The following INVS variants were observed in gnomAD, a reference collection of about 807,000 sequenced individuals.
INVS encodes the protein inversin.
Under a neutral mutation model 108.8 loss-of-function variants are expected in INVS, and 86 were observed. The ratio of observed to expected loss-of-function variants is 0.79; its 90% CI spans 0.66 to 0.95. The LOEUF is 0.95. Among genes scored for constraint, INVS ranks in the 40% least tolerant of loss-of-function variants. INVS has a pLI of 0.00. For synonymous variants in INVS, 455 were observed against 473.5 expected (o/e 0.96, Z 0.51); for missense variants, 1,169 against 1,297.4 (o/e 0.90, Z 1.52).
At chr9:100,139,839 C>T (rs190521485) in intron 3 of INVS, among the ~76,000 whole-genome samples, 8 of 152,254 alleles carry the variant, frequency 5.3e-5, no homozygotes, top group East Asian at 3.9e-4. Flanking sequence ...ACAGGGGTTT[C>T]GCCTTATTGC....
chr9:100,246,926 T>A, intron 8 of INVS, 139 bp downstream of exon 8: 1 of 833,650 alleles, frequency 1.2e-6, no homozygotes, highest in Non-Finnish European at 2.0e-6. Flanking sequence ...AGTTTTAAGT[T>A]TGGGTTTGCC....
chr9:100,121,068 T>C (rs1199403663), intron 2 of INVS, among the ~76,000 whole-genome samples: 1 of 152,196 alleles, frequency 6.6e-6, no homozygotes, highest in Non-Finnish European at 1.5e-5. Context: ...CTACAGTTTT[T>C]TTTTAACAAT....
chr9:100,215,234 C>T (rs1040472787), intron 3 of INVS, among the ~76,000 whole-genome samples: 1 of 152,086 alleles, frequency 6.6e-6, no homozygotes, highest in Non-Finnish European at 1.5e-5. Flanking sequence ...TCTCTAAGCC[C>T]CCTTTTGGCT....
chr9:100,234,433 T>C (rs1831613152), intron 5 of INVS, among the ~76,000 whole-genome samples: 1 of 152,196 alleles, frequency 6.6e-6, no homozygotes. Flanking sequence ...CTCTTGATTC[T>C]CTACTTGTTT....
rs1827893457 is a variant in INVS at position 100,126,655 on chromosome 9, A to G, written c.273+106A>G. On this transcript the variant is annotated intron_variant, in intron 3 of 16. Coordinates refer to ENST00000262457, the MANE Select transcript of INVS (RefSeq NM_014425.5). ...ATAATAAAGAAGTCTCAAATGCATG[A>G]CTCATAGGTTTTATATATTTTCTCT... 1.3e-5 allele frequency: 14 copies of G among 1,058,314 alleles called. 1 individual carries two copies. The South Asian group carries it at 1.8e-4, about 14-fold the overall frequency. 65.6% of individuals were successfully genotyped at this position (1,058,314 alleles called of 1,614,324 possible).
At chr9:100,184,175 G>A (rs533281762) in intron 3 of INVS, among the ~76,000 whole-genome samples, 3 of 152,192 alleles carry the variant, frequency 2.0e-5, no homozygotes, top group African/African-American at 7.2e-5. Context: ...CTTAAAAATT[G>A]CTTGAGTTTC....
chr9:100,258,932 T>C (rs555947652), intron 10 of INVS, among the ~76,000 whole-genome samples: 12 of 152,300 alleles, frequency 7.9e-5, no homozygotes, highest in Admixed American at 6.5e-4. Context: ...GAACCACTAC[T>C]CTCTTCAAAG....
chr9:100,301,444 T>C lies in INVS; in HGVS notation c.*770T>C, dbSNP rs1461563618. Among the ~76,000 whole-genome samples the C allele has an allele frequency of 1.3e-5, 2 of 152,218 alleles. No homozygotes were observed. The highest frequency in any genetic ancestry group is 2.9e-5 in the Non-Finnish European group (2 of 68,040). On this transcript the variant is annotated 3_prime_UTR_variant, in exon 17 of 17. Transcript: ENST00000262457. ...TAGGGTTTACAGACCAGACTGTTCATGCAGCAAGGTGCTAACTCAGGCGTC... is the reference window on the plus strand; with the variant it reads ...TAGGGTTTACAGACCAGACTGTTCACGCAGCAAGGTGCTAACTCAGGCGTC...
At chr9:100,240,785 G>A (rs980225783) in intron 6 of INVS, among the ~76,000 whole-genome samples, 4 of 151,884 alleles carry the variant, frequency 2.6e-5, no homozygotes, top group Admixed American at 1.3e-4. Flanking sequence ...AAATAATCAG[G>A]TCTTTTTTTT....
rs1827110112 is a variant in INVS, at chr9:100,104,553, G to A, written c.32G>A (p.Gly11Asp). 6.2e-7 allele frequency: 1 copy of A among 1,613,988 alleles called. No individual in the cohort carries two copies. Residue 11 changes from glycine (G) to aspartate (D), a missense_variant, in exon 2 of 17, where the codon GGT becomes GAT. By Grantham distance (94) the Gly-to-Asp change is moderately conservative. Around this residue, in one of 3 missense-constraint regions of INVS, gnomAD observed 365 missense variants for 397.5 expected, o/e 0.92. Coordinates refer to ENST00000262457, the MANE Select transcript of INVS (RefSeq NM_014425.5). ...AAGTCAGAGAACCTGCTGTTTGCTG[G>A]TTCATCATTAGCATCACAAGTCCAT... Reference protein sequence around the residue: MNKSENLLFAGSSLASQVHAA... With the variant: MNKSENLLFADSSLASQVHAA...
intron 3 of INVS, 44 bp from the exon 4 acceptor site, chr9:100,226,018 C>T: frequency 6.9e-7 from 1 of 1,445,564 alleles, no homozygotes; most frequent in South Asian, 1.2e-5. Context: ...AAATTTTGAC[C>T]CCATAGTACA....
intron 3 of INVS, among the ~76,000 whole-genome samples, chr9:100,210,421 C>T (rs895271035): frequency 6.6e-6 from 1 of 152,028 alleles, no homozygotes; most frequent in Non-Finnish European, 1.5e-5. Context: ...TACTTATTGC[C>T]CTCCATATCA....
intron 2 of INVS, among the ~76,000 whole-genome samples, chr9:100,125,406 T>C (rs1460996714): frequency 6.6e-6 from 1 of 152,136 alleles, no homozygotes; most frequent in Non-Finnish European, 1.5e-5. Flanking sequence ...CTTGAGAACT[T>C]TGGCATCTGT....
At chr9:100,299,348 C>G (rs1228606629) in intron 16 of INVS, among the ~76,000 whole-genome samples, 3 of 151,916 alleles carry the variant, frequency 2.0e-5, no homozygotes, top group Non-Finnish European at 4.4e-5. Context: ...ACTTGGAGAA[C>G]CCCCCACCCC....
intron 6 of INVS, among the ~76,000 whole-genome samples, chr9:100,241,613 T>C (rs1831876209): frequency 6.6e-6 from 1 of 152,212 alleles, no homozygotes; most frequent in Non-Finnish European, 1.5e-5. Context: ...AGTATGTTTT[T>C]TTGTAGTCCT....
chr9:100,281,981 A>G (rs976035424), intron 12 of INVS, among the ~76,000 whole-genome samples: 2 of 152,178 alleles, frequency 1.3e-5, no homozygotes. Flanking sequence ...AACAAAGTCT[A>G]ATTTATCACC....
At chr9:100,178,413 A>G (rs1829781244) in intron 3 of INVS, among the ~76,000 whole-genome samples, 1 of 152,216 alleles carries the variant, frequency 6.6e-6, no homozygotes, top group Non-Finnish European at 1.5e-5. Context: ...GGAATTGCTA[A>G]CTAGAATAAC....
At chr9:100,281,103 G>A (rs1355762685) in intron 12 of INVS, among the ~76,000 whole-genome samples, 2 of 152,150 alleles carry the variant, frequency 1.3e-5, no homozygotes, top group Non-Finnish European at 2.9e-5. Flanking sequence ...CAGCTTCTTT[G>A]TATGACCCAA....
intron 2 of INVS, among the ~76,000 whole-genome samples, chr9:100,111,148 G>C (rs1827326291): frequency 6.6e-6 from 1 of 152,128 alleles, no homozygotes; most frequent in African/African-American, 2.4e-5. Context: ...TAAGAAGTGG[G>C]TGAAATCAGA....
Sources: gnomAD v4.1 joint callset for allele counts (sites outside exome capture counted in the v4.1 genomes callset) on GRCh38, gnomAD v4.1.1 for gene constraint, gnomAD v4.1.1 regional missense constraint, MANE v1.5 for transcripts, NCBI Gene and HGNC (gene_info 2026-07-23, HGNC 2026-07-21) for gene names.